The following EPB41L3 variants were observed in gnomAD, a reference collection of about 807,000 sequenced individuals.
EPB41L3 encodes band 4.1-like protein 3.
In EPB41L3, 57 loss-of-function variants were observed where a neutral mutation model predicts 127.1. That is an observed-to-expected ratio of 0.45 (90% CI 0.36 to 0.56). The LOEUF (loss-of-function observed/expected upper bound fraction) is 0.56, where lower values mean the gene tolerates loss of function less well. EPB41L3 is among the 20% of genes least tolerant of loss of function. EPB41L3 has a pLI of 0.00. For missense variants in EPB41L3, 1,273 were observed against 1,372.2 expected (o/e 0.93, Z 1.14); for synonymous variants, 572 against 549.5 (o/e 1.04, Z -0.57).
upstream of EPB41L3, among the ~76,000 whole-genome samples, chr18:5,548,103 T>C (rs2093910570): frequency 6.6e-6 from 1 of 152,234 alleles, no homozygotes; most frequent in African/African-American, 2.4e-5. Context: ...GTTTATTTTA[T>C]GCTCAGAATA....
At chr18:5,622,402 A>G (rs888470189) in intron 1 of EPB41L3, among the ~76,000 whole-genome samples, 1 of 152,214 alleles carries the variant, frequency 6.6e-6, no homozygotes, top group Non-Finnish European at 1.5e-5. Flanking sequence ...AGACTCAACA[A>G]ACTTAGGTGA....
At position 5,557,842 on chromosome 18, in the gene EPB41L3, G is replaced by A. The variant is rs112345637; in HGVS notation, c.-306+54498C>T. Among the ~76,000 whole-genome samples, 341 of 152,192 alleles carry A rather than the reference G, an allele frequency of 2.2e-3. 5 individuals carry two copies. The highest frequency in any genetic ancestry group is 6.3e-3 in the African/African-American group (261 of 41,530). ...TTTGCACTGGGCTAATAAATAAGGG[G>A]GTCAATGGGGTCAGATCCACTGAGC... On this transcript the variant is annotated intron_variant, in intron 3 of 21. Transcript: ENST00000545076.
chr18:5,556,277 G>T (rs537615735), intron 3 of EPB41L3, among the ~76,000 whole-genome samples: 1 of 152,326 alleles, frequency 6.6e-6, no homozygotes, highest in South Asian at 2.1e-4. Context: ...AATCAACAAG[G>T]CTTTTCAGAT....
chr18:5,487,530 C>T (rs1328582972), intron 2 of EPB41L3, among the ~76,000 whole-genome samples: 12 of 147,460 alleles, frequency 8.1e-5, no homozygotes, highest in Non-Finnish European at 1.6e-4. Flanking sequence ...CTTGCTCTGT[C>T]GCCCAGTCTG....
Position 5,465,600 on chromosome 18 carries a change from C to G in EPB41L3, c.381+12641G>C, listed in dbSNP as rs183533926. Among the ~76,000 whole-genome samples, 19 of 152,012 alleles carry G rather than the reference C, an allele frequency of 1.2e-4. No individual in the cohort carries two copies. The East Asian group carries it at 3.5e-3, about 28-fold the overall frequency. ...TGGAAATTCCATAACTTTAAAGAAC[C>G]TTTCAAATTTGCCAGCCACTGCAGA... On this transcript the variant is annotated intron_variant, in intron 3 of 22. Coordinates refer to ENST00000341928, the MANE Select transcript of EPB41L3 (RefSeq NM_012307.5).
At chr18:5,620,481 C>T (rs1008616136) in intron 1 of EPB41L3, among the ~76,000 whole-genome samples, 1 of 152,216 alleles carries the variant, frequency 6.6e-6, no homozygotes, top group African/African-American at 2.4e-5. Flanking sequence ...ACATACACTT[C>T]AGCCATATTA....
In EPB41L3 at chr18:5,419,823, A is replaced by G; in HGVS notation, c.1394T>C (p.Ile465Thr). The G allele has an allele frequency of 4.3e-6, 7 of 1,614,182 alleles. No homozygotes were observed. The highest frequency in any genetic ancestry group is 5.9e-6 in the Non-Finnish European group (7 of 1,180,038). ...CTTCTTCTCCGGAGTCACAGTGGTGATCAAGTTGGTCTGAGAGATGCCTTT... is the reference window on the plus strand; with the variant it reads ...CTTCTTCTCCGGAGTCACAGTGGTGGTCAAGTTGGTCTGAGAGATGCCTTT... ...TTKGISQTNL[I>T]TTVTPEKKAE... The change falls in exon 12 of 23, where the codon ATC (isoleucine) becomes ACC (threonine). Residue 465 changes from isoleucine (I) to threonine (T), a missense_variant. This residue lies in a region of EPB41L3 where 765 missense variants were observed against 782.9 expected (regional missense o/e 0.98). Coordinates refer to ENST00000341928, the MANE Select transcript of EPB41L3 (RefSeq NM_012307.5).
At chr18:5,451,929 C>T (rs188067703) in intron 3 of EPB41L3, among the ~76,000 whole-genome samples, 5 of 152,276 alleles carry the variant, frequency 3.3e-5, no homozygotes, top group Admixed American at 3.3e-4. Context: ...ACCTCTGCCT[C>T]CCGGGTCCAA....
chr18:5,549,898 A>G (rs2093940426), intron 3 of EPB41L3, among the ~76,000 whole-genome samples: 1 of 151,852 alleles, frequency 6.6e-6, no homozygotes, highest in African/African-American at 2.4e-5. Flanking sequence ...TGAACTGAAG[A>G]TAATCTACAC....
chr18:5,623,753 T>C (rs1236738683), intron 1 of EPB41L3, among the ~76,000 whole-genome samples: 15 of 151,786 alleles, frequency 9.9e-5, no homozygotes, highest in Non-Finnish European at 5.9e-5. Flanking sequence ...GTTCAAGTGA[T>C]TCTCATGCCT....
chr18:5,557,875 TAAACA>T (rs1043413519), intron 3 of EPB41L3, among the ~76,000 whole-genome samples: 1 of 152,154 alleles, frequency 6.6e-6, no homozygotes, highest in African/African-American at 2.4e-5. Context: ...AGCACCAAAA[TAAACA>T]AAACAAAACC....
intron 3 of EPB41L3, among the ~76,000 whole-genome samples, chr18:5,473,346 G>C (rs1050011027): frequency 1.3e-5 from 2 of 152,030 alleles, no homozygotes; most frequent in Non-Finnish European, 2.9e-5. Flanking sequence ...CACTCTTAGA[G>C]TAATGTTCTG....
intron 3 of EPB41L3, among the ~76,000 whole-genome samples, chr18:5,455,704 G>A (rs1372124335): frequency 6.6e-5 from 10 of 150,412 alleles, no homozygotes; most frequent in Non-Finnish European, 1.5e-5. Context: ...TCAGAGATGT[G>A]CACTGTGGTA....
chr18:5,570,294 A>G (rs1477098212), intron 3 of EPB41L3: 1 of 152,204 alleles, frequency 6.6e-6, no homozygotes, highest in Non-Finnish European at 1.5e-5. Context: ...AGTAAGAAGG[A>G]CATGCTGTAA....
At chr18:5,577,427 C>T (rs956926261) in intron 3 of EPB41L3, 2 of 421,306 alleles carry the variant, frequency 4.7e-6, no homozygotes, top group Admixed American at 5.8e-5. Flanking sequence ...CATTGACTCT[C>T]CGGCTTCTAT....
intron 1 of EPB41L3, among the ~76,000 whole-genome samples, chr18:5,509,803 T>C (rs779626466): frequency 9.2e-5 from 14 of 152,200 alleles, no homozygotes; most frequent in Non-Finnish European, 2.1e-4. Flanking sequence ...GATAGGAAAA[T>C]AGGAGACTTT....
chr18:5,428,242 G>C (rs189163954), intron 9 of EPB41L3, 71 bp downstream of exon 9: 6 of 1,572,044 alleles, frequency 3.8e-6, no homozygotes, highest in Middle Eastern at 1.7e-4. Context: ...CTCATAAGCA[G>C]ATAATTTAAA....
chr18:5,505,893 C>G (rs2092154520), intron 1 of EPB41L3, among the ~76,000 whole-genome samples: 1 of 147,958 alleles, frequency 6.8e-6, no homozygotes, highest in African/African-American at 2.5e-5. Context: ...CCACCCCTAC[C>G]CTCCACACCT....
intron 8 of EPB41L3, among the ~76,000 whole-genome samples, chr18:5,432,696 G>A (rs951002288): frequency 6.6e-6 from 1 of 152,134 alleles, no homozygotes; most frequent in Non-Finnish European, 1.5e-5. Context: ...CAGAGTCAAA[G>A]CTGCTCTGTG....
Sources: allele counts gnomAD v4.1 joint callset (sites outside exome capture counted in the v4.1 genomes callset), GRCh38; gene constraint gnomAD v4.1.1; regional missense constraint gnomAD v4.1.1; transcripts MANE v1.5; gene names NCBI Gene and HGNC (gene_info 2026-07-23, HGNC 2026-07-21).